SIPA1L1: variants seen among roughly 807,000 people sequenced by gnomAD.
The protein encoded by SIPA1L1 is signal induced proliferation associated 1 like 1.
In SIPA1L1, 26 loss-of-function variants were observed where a neutral mutation model predicts 162.7. The observed-to-expected ratio is 0.16, with a 90% CI of 0.12 to 0.22. The LOEUF is 0.22. Ranked by LOEUF, SIPA1L1 falls within the 10% of genes least tolerant of loss-of-function variation. The probability of loss-of-function intolerance (pLI) is 1.00; values close to 1 mark genes in which losing one functional copy is unlikely to be tolerated. For synonymous variants in SIPA1L1, 829 were observed against 837.4 expected, an observed-to-expected ratio of 0.99 and a Z score of 0.17; for missense variants, 1,874 against 2,241.0, an observed-to-expected ratio of 0.84 and a Z score of 3.31.
intron 2 of SIPA1L1, among the ~76,000 whole-genome samples, chr14:71,373,387 C>T (rs1050253555): frequency 5.9e-5 from 9 of 151,408 alleles, no homozygotes; most frequent in African/African-American, 2.2e-4. Context: ...CTTTGGGAGG[C>T]CGAGGTGGGC....
intron 12 of SIPA1L1, among the ~76,000 whole-genome samples, 169 bp downstream of exon 12, chr14:71,672,791 A>G (rs1405871257): frequency 6.6e-6 from 1 of 152,158 alleles, no homozygotes; most frequent in Non-Finnish European, 1.5e-5. Flanking sequence ...GCTCCCTTTC[A>G]GTGTGTGGTG....
At chr14:71,403,826 G>A (rs1475699659) in intron 2 of SIPA1L1, among the ~76,000 whole-genome samples, 1 of 152,088 alleles carries the variant, frequency 6.6e-6, no homozygotes, top group African/African-American at 2.4e-5. Context: ...GGTCTGGTTT[G>A]TAGTCTGGTT....
At chr14:71,736,654 A>G (rs2085320105) in intron 22 of SIPA1L1, among the ~76,000 whole-genome samples, 1 of 152,168 alleles carries the variant, frequency 6.6e-6, no homozygotes, top group African/African-American at 2.4e-5. Flanking sequence ...GAGAGCAGCA[A>G]TCAGGCTGAC....
chr14:71,431,111 A>G (rs1205752449), intron 2 of SIPA1L1, among the ~76,000 whole-genome samples: 1 of 152,206 alleles, frequency 6.6e-6, no homozygotes, highest in Non-Finnish European at 1.5e-5. Flanking sequence ...AATGCACGAT[A>G]TGCTTTTAGC....
At chr14:71,473,501 A>T (rs945083802) in intron 2 of SIPA1L1, among the ~76,000 whole-genome samples, 1 of 152,140 alleles carries the variant, frequency 6.6e-6, no homozygotes, top group Non-Finnish European at 1.5e-5. Flanking sequence ...TTCTGATTCA[A>T]ATTTATTGGT....
At chr14:71,492,027 A>T (rs1276964179) in intron 2 of SIPA1L1, among the ~76,000 whole-genome samples, 1 of 151,984 alleles carries the variant, frequency 6.6e-6, no homozygotes, top group Admixed American at 6.6e-5. Flanking sequence ...CTGTATTTCA[A>T]CCTGTGTAAT....
rs540585223 is a variant in SIPA1L1 at position 71,541,103 on chromosome 14, C to T, written c.-303+11733C>T. Among the ~76,000 whole-genome samples the T allele has an allele frequency of 4.4e-4, 66 of 151,204 alleles. No homozygotes were observed. The South Asian group carries it at 5.2e-3, about 12-fold the overall frequency. ...AGATTCTCCAGCCTGGGTGACAGAG[C>T]GAAACTCCATCTTTAAAAAAAAAAA... On this transcript the variant is annotated intron_variant, in intron 4 of 23. Transcript: ENST00000381232.
chr14:71,496,207 G>C (rs1206754300), intron 2 of SIPA1L1, among the ~76,000 whole-genome samples: 2 of 152,152 alleles, frequency 1.3e-5, no homozygotes, highest in African/African-American at 4.8e-5. Context: ...GGTGGCATAT[G>C]CCTGTGGTCC....
chr14:71,353,573 T>C (rs1247140662), intron 2 of SIPA1L1, among the ~76,000 whole-genome samples: 1 of 152,206 alleles, frequency 6.6e-6, no homozygotes, highest in African/African-American at 2.4e-5. Context: ...GTCGCTAGGC[T>C]GCTGTGTTGA....
In SIPA1L1 at chr14:71,709,617, A is replaced by G. The variant is rs929611633; in HGVS notation, c.4161A>G (p.Thr1387=). Residue 1387 remains threonine, a synonymous_variant, in exon 17 of 24, where the codon ACA becomes ACG. Coordinates refer to ENST00000381232, the MANE Select transcript of SIPA1L1 (RefSeq NM_001386936.1). ...GCCAAGCCGGCTCGACCCCTCTGAC[A>G]AGGGAGAACAGCACCTTCAGTATAA... ...SKSQAGSTPL[T]RENSTFSIND... The G allele has an allele frequency of 3.1e-6, 5 of 1,614,028 alleles. No homozygotes were observed. The highest frequency in any genetic ancestry group is 1.1e-5 in the South Asian group (1 of 91,076).
chr14:71,670,555 G>A (rs1376322584), intron 10 of SIPA1L1, among the ~76,000 whole-genome samples: 1 of 152,096 alleles, frequency 6.6e-6, no homozygotes, highest in Non-Finnish European at 1.5e-5. Flanking sequence ...CTTTTAATCT[G>A]GTTGCATAAT....
intron 2 of SIPA1L1, among the ~76,000 whole-genome samples, chr14:71,421,822 AAGAC>A (rs1397896469): frequency 2.0e-5 from 3 of 152,178 alleles, no homozygotes; most frequent in African/African-American, 7.2e-5. Flanking sequence ...GGTTGTGTAA[AAGAC>A]AGCCTGCCTG....
At chr14:71,413,464 G>A (rs2042547599) in intron 2 of SIPA1L1, among the ~76,000 whole-genome samples, 1 of 152,220 alleles carries the variant, frequency 6.6e-6, no homozygotes, top group Non-Finnish European at 1.5e-5. Flanking sequence ...GGGGCATAGT[G>A]CAGTGGCTCA....
chr14:71,588,041 C>T lies in SIPA1L1; in HGVS notation c.169C>T (p.Pro57Ser). 1 of 1,614,102 alleles carries T rather than the reference C, an allele frequency of 6.2e-7. No individual in the cohort carries two copies. Among genetic ancestry groups the T allele is most frequent in the South Asian group, 1.1e-5 (1 of 91,082 alleles). Reference protein sequence around the residue: ...GSSVMAPVGPPRSEGSHHITS... With the variant: ...GSSVMAPVGPSRSEGSHHITS... Reference sequence around the variant, plus strand: ...ATCAGTTATGGCTCCTGTAGGACCCCCCCGAAGTGAAGGTTCTCACCATAT... The same window carrying T: ...ATCAGTTATGGCTCCTGTAGGACCCTCCCGAAGTGAAGGTTCTCACCATAT... Residue 57 changes from proline (P) to serine (S), a missense_variant, in exon 5 of 24, where the codon CCC becomes TCC. Pro to Ser is a moderately conservative substitution (Grantham distance 74). Transcript: ENST00000381232. The surrounding 1 kb of genome is among the most constrained non-coding windows in gnomAD (Gnocchi z 4.3).
chr14:71,492,989 C>T (rs2049410987), intron 2 of SIPA1L1, among the ~76,000 whole-genome samples: 1 of 152,078 alleles, frequency 6.6e-6, no homozygotes, highest in South Asian at 2.1e-4. Flanking sequence ...AATCTGGGAT[C>T]TCTTTTACTT....
intron 2 of SIPA1L1, among the ~76,000 whole-genome samples, chr14:71,363,397 C>T (rs909180612): frequency 6.6e-6 from 1 of 152,168 alleles, no homozygotes; most frequent in South Asian, 2.1e-4. Flanking sequence ...TCACCCTCCC[C>T]TCCCATCCAG....
intron 4 of SIPA1L1, among the ~76,000 whole-genome samples, chr14:71,547,577 A>G (rs139893261): frequency 1.4e-3 from 209 of 152,234 alleles, no homozygotes; most frequent in Non-Finnish European, 2.5e-3. Context: ...TACAGGCATG[A>G]GCCACTGTGC....
intron 2 of SIPA1L1, among the ~76,000 whole-genome samples, chr14:71,466,751 C>G (rs2047031942): frequency 6.6e-6 from 1 of 152,132 alleles, no homozygotes; most frequent in Non-Finnish European, 1.5e-5. Flanking sequence ...GCCACTATTT[C>G]TGACTAAAAT....
intron 2 of SIPA1L1, among the ~76,000 whole-genome samples, chr14:71,348,766 A>G (rs900342505): frequency 1.3e-5 from 2 of 152,230 alleles, no homozygotes; most frequent in Non-Finnish European, 2.9e-5. Context: ...TTTTCTTAGT[A>G]TCTTTTATGG....
Sources: allele counts gnomAD v4.1 joint callset (sites outside exome capture counted in the v4.1 genomes callset), GRCh38; gene constraint gnomAD v4.1.1; non-coding constraint Gnocchi (gnomAD v3.1); transcripts MANE v1.5; gene names NCBI Gene and HGNC (gene_info 2026-07-23, HGNC 2026-07-21).